CACNA1E: variants seen among roughly 807,000 people sequenced by gnomAD.
CACNA1E encodes voltage-dependent R-type calcium channel subunit alpha-1E.
Under a neutral mutation model 259.2 loss-of-function variants are expected in CACNA1E, and 40 were observed. The ratio of observed to expected loss-of-function variants is 0.15; its 90% CI spans 0.12 to 0.20. CACNA1E has a LOEUF of 0.20. Among genes scored for constraint, CACNA1E ranks in the 10% least tolerant of loss-of-function variants. The probability of loss-of-function intolerance (pLI) is 1.00; values close to 1 mark genes in which losing one functional copy is unlikely to be tolerated. For synonymous variants in CACNA1E, 1,104 were observed against 1,138.5 expected (o/e 0.97, Z 0.61); for missense variants, 1,874 against 3,040.1 (o/e 0.62, Z 9.02).
chr1:181,680,521 G>A (rs979689819), intron 7 of CACNA1E, among the ~76,000 whole-genome samples: 4 of 152,086 alleles, frequency 2.6e-5, no homozygotes, highest in South Asian at 2.1e-4. Context: ...TGTTCCACCC[G>A]CACATGTTCT....
chr1:181,507,786 AG>A (rs1322528057), intron 1 of CACNA1E, among the ~76,000 whole-genome samples: 1 of 152,160 alleles, frequency 6.6e-6, no homozygotes, highest in Non-Finnish European at 1.5e-5. Context: ...TGAACGAGAA[AG>A]TACTTGTGCC....
At chr1:181,381,870 G>A (rs758363678) in intron 1 of CACNA1E, among the ~76,000 whole-genome samples, 3 of 152,204 alleles carry the variant, frequency 2.0e-5, no homozygotes, top group Admixed American at 1.3e-4. Context: ...AATCTATGTA[G>A]GGAACATATA....
intron 1 of CACNA1E, among the ~76,000 whole-genome samples, chr1:181,505,365 CT>C (rs957368461): frequency 2.6e-5 from 4 of 151,162 alleles, no homozygotes; most frequent in African/African-American, 4.9e-5. Flanking sequence ...TCTCCCTTCT[CT>C]TTTTTTTTGT....
chr1:181,784,406 T>C (rs910570780), intron 40 of CACNA1E, among the ~76,000 whole-genome samples: 3 of 152,322 alleles, frequency 2.0e-5, no homozygotes, highest in Admixed American at 6.5e-5. Flanking sequence ...TTAGAACGAA[T>C]GAGGAAGTTG....
At chr1:181,487,614 T>C (rs1663954243) in intron 1 of CACNA1E, among the ~76,000 whole-genome samples, 1 of 152,262 alleles carries the variant, frequency 6.6e-6, no homozygotes, top group Non-Finnish European at 1.5e-5. Flanking sequence ...TTTCATTTTC[T>C]TTTTTGCTCA....
At chr1:181,459,799 G>A (rs901433665) in intron 2 of CACNA1E, among the ~76,000 whole-genome samples, 3 of 152,266 alleles carry the variant, frequency 2.0e-5, no homozygotes, top group East Asian at 1.9e-4. Context: ...ACCAACTCAC[G>A]AGATGCACAG....
chr1:181,783,903 C>A, intron 40 of CACNA1E, 119 bp downstream of exon 40: 2 of 619,230 alleles, frequency 3.2e-6, no homozygotes, highest in Non-Finnish European at 3.0e-6. Context: ...ATAATGCAGT[C>A]ATCTGAACAT....
At chr1:181,794,767 GCCTT>G in intron 45 of CACNA1E, 93 bp from the exon 46 acceptor site, 1 of 1,043,352 alleles carries the variant, frequency 9.6e-7, no homozygotes, top group South Asian at 1.7e-5. Flanking sequence ...GTTACAATTT[GCCTT>G]CCTTAACGTC....
chr1:181,415,775 A>G (rs1003238796), intron 2 of CACNA1E, among the ~76,000 whole-genome samples: 3 of 151,918 alleles, frequency 2.0e-5, no homozygotes, highest in South Asian at 2.1e-4. Flanking sequence ...GCTCCCCAAC[A>G]CTCACGGCCT....
chr1:181,489,786 G>A (rs1181211831), intron 1 of CACNA1E, among the ~76,000 whole-genome samples: 1 of 152,168 alleles, frequency 6.6e-6, no homozygotes, highest in Non-Finnish European at 1.5e-5. Context: ...GGGAGCAGGG[G>A]TAGTTATGGG....
intron 3 of CACNA1E, among the ~76,000 whole-genome samples, chr1:181,532,374 C>T (rs1253332770): frequency 6.6e-6 from 1 of 152,222 alleles, no homozygotes; most frequent in Non-Finnish European, 1.5e-5. Context: ...GATTCAGAAG[C>T]TTTGTGAATG....
At chr1:181,771,475 T>G in intron 36 of CACNA1E, 91 bp downstream of exon 36, 1 of 727,758 alleles carries the variant, frequency 1.4e-6, no homozygotes, top group South Asian at 1.6e-5. Context: ...CCTTTGTATC[T>G]TTATTCCACT....
intron 32 of CACNA1E, among the ~76,000 whole-genome samples, chr1:181,761,263 T>C (rs1658554941): frequency 6.6e-6 from 1 of 152,250 alleles, no homozygotes; most frequent in African/African-American, 2.4e-5. Context: ...TCATTAAATG[T>C]AACTTCTCTC....
intron 3 of CACNA1E, among the ~76,000 whole-genome samples, chr1:181,530,901 T>A (rs1323771255): frequency 6.6e-6 from 1 of 152,240 alleles, no homozygotes; most frequent in Non-Finnish European, 1.5e-5. Context: ...TCAGAAATTT[T>A]GCAGCTTTTG....
chr1:181,630,522 A>G (rs1656626530), intron 6 of CACNA1E, among the ~76,000 whole-genome samples: 1 of 152,058 alleles, frequency 6.6e-6, no homozygotes, highest in Admixed American at 6.6e-5. Context: ...CCATCTCACC[A>G]CCCAGCTGTA....
rs184414252 is a variant in CACNA1E, at chr1:181,741,045, C to T, written c.3719+1792C>T. Reference sequence around the variant, plus strand: ...CTTAGGTTTTTAAAAGGTCAAGTTCCCTTTCATTTTACTAATTCATTTGCA... The same window carrying T: ...CTTAGGTTTTTAAAAGGTCAAGTTCTCTTTCATTTTACTAATTCATTTGCA... On this transcript the variant is annotated intron_variant, in intron 25 of 47. Coordinates refer to ENST00000367573, the MANE Select transcript of CACNA1E (RefSeq NM_001205293.3). Among the ~76,000 whole-genome samples, 160 of 152,274 alleles carry T rather than the reference C, an allele frequency of 1.1e-3. 2 individuals carry two copies. Among genetic ancestry groups the T allele is most frequent in the Non-Finnish European group, 2.5e-4 (17 of 68,012 alleles).
At chr1:181,696,534 C>T (rs1347133567) in intron 7 of CACNA1E, among the ~76,000 whole-genome samples, 1 of 152,154 alleles carries the variant, frequency 6.6e-6, no homozygotes, top group Non-Finnish European at 1.5e-5. Flanking sequence ...TTACTAGTTT[C>T]CCAGGGAGGA....
chr1:181,774,332 ATAGGTAG>A (rs1223182600), intron 37 of CACNA1E, among the ~76,000 whole-genome samples: 3 of 152,228 alleles, frequency 2.0e-5, no homozygotes, highest in African/African-American at 4.8e-5. Context: ...GTCCTGCCTG[ATAGGTAG>A]TAGTTGAACA....
intron 7 of CACNA1E, among the ~76,000 whole-genome samples, chr1:181,659,542 C>T (rs987106684): frequency 1.3e-5 from 2 of 152,150 alleles, no homozygotes; most frequent in Admixed American, 6.5e-5. Context: ...TGAGCCATCC[C>T]ACTGTCTCCA....
Sources: gnomAD v4.1 joint callset for allele counts (sites outside exome capture counted in the v4.1 genomes callset) on GRCh38, gnomAD v4.1.1 for gene constraint, MANE v1.5 for transcripts, NCBI Gene and HGNC (gene_info 2026-07-23, HGNC 2026-07-21) for gene names.